CDC42: variants seen among roughly 807,000 people sequenced by gnomAD.
CDC42 encodes the protein cell division control protein 42 homolog.
A neutral mutation model predicts 20.8 loss-of-function variants in CDC42; 1 was observed. The ratio of observed to expected loss-of-function variants is 0.05; its 90% confidence interval spans 0.02 to 0.23. The LOEUF (loss-of-function observed/expected upper bound fraction) is 0.23, where lower values mean the gene tolerates loss of function less well. Ranked by LOEUF, CDC42 falls within the 10% of genes least tolerant of loss-of-function variation. The pLI is 1.00. For synonymous variants in CDC42, 72 were observed against 84.8 expected (o/e 0.85, Z 0.83); for missense variants, 49 against 227.9 (o/e 0.21, Z 5.05).
intron 1 of CDC42, among the ~76,000 whole-genome samples, chr1:22,075,040 T>A (rs1052894890): frequency 1.3e-5 from 2 of 152,166 alleles, no homozygotes; most frequent in African/African-American, 4.8e-5. Context: ...AATTGAAGAT[T>A]GAAAGTGGCC....
chr1:22,090,759 T>C, intron 5 of CDC42: 1 of 984,964 alleles, frequency 1.0e-6, no homozygotes, highest in Non-Finnish European at 1.2e-6. Flanking sequence ...TATACAATTG[T>C]GGTTACCTTC....
intron 1 of CDC42, among the ~76,000 whole-genome samples, chr1:22,055,784 C>T (rs1645298681): frequency 6.6e-6 from 1 of 151,636 alleles, no homozygotes; most frequent in South Asian, 2.1e-4. Context: ...TGCTGTGCCG[C>T]TGACAGGCTT....
chr1:22,081,937 C>T (rs927333512), intron 3 of CDC42, 143 bp downstream of exon 3: 28 of 619,380 alleles, frequency 4.5e-5, no homozygotes, highest in Non-Finnish European at 6.8e-5. Context: ...TAATGATTGT[C>T]GATGCTTGAC....
At chr1:22,085,231 A>T (rs1401378878) in intron 3 of CDC42, among the ~76,000 whole-genome samples, 1 of 80,100 alleles carries the variant, frequency 1.2e-5, no homozygotes. Flanking sequence ...GACTCTGTCT[A>T]AAAAAAAAAA....
intron 4 of CDC42, 27 bp downstream of exon 4, chr1:22,086,575 A>G (rs1444442577): frequency 9.5e-6 from 15 of 1,586,202 alleles, no homozygotes; most frequent in Admixed American, 1.7e-5. Context: ...CTCTTGCCCT[A>G]AGAAGATCAT....
chr1:22,064,462 T>G (rs1275936196), intron 1 of CDC42, among the ~76,000 whole-genome samples: 1 of 151,904 alleles, frequency 6.6e-6, no homozygotes, highest in Non-Finnish European at 1.5e-5. Flanking sequence ...CTGCTAATTT[T>G]TGTATTTTTA....
chr1:22,072,457 G>A (rs1645503200), intron 1 of CDC42, among the ~76,000 whole-genome samples: 1 of 152,102 alleles, frequency 6.6e-6, no homozygotes, highest in Non-Finnish European at 1.5e-5. Flanking sequence ...CCAAATGGAA[G>A]AGATACATAG....
chr1:22,054,656 CTTAAAAGGAGTGTAGGTTCA>C, intron 1 of CDC42, among the ~76,000 whole-genome samples: 1 of 151,774 alleles, frequency 6.6e-6, no homozygotes, highest in Non-Finnish European at 1.5e-5. Context: ...TTGGTAAACA[CTTAAAAGGAGTGTAGGTTCA>C]AGGCAGCTTT....
intron 1 of CDC42, among the ~76,000 whole-genome samples, chr1:22,072,939 A>G (rs187563498): frequency 4.1e-4 from 63 of 152,320 alleles, no homozygotes; most frequent in African/African-American, 1.5e-3. Flanking sequence ...TTGAGAATAT[A>G]AATTTTTTGT....
intron 5 of CDC42, chr1:22,090,013 G>A: frequency 6.2e-7 from 1 of 1,613,972 alleles, no homozygotes; most frequent in Non-Finnish European, 8.5e-7. Context: ...CAACCCAAAA[G>A]GAAGTGCTGT....
At chr1:22,054,925 T>A (rs867239553) in intron 1 of CDC42, among the ~76,000 whole-genome samples, 2,126 of 11,598 alleles carry the variant, frequency 0.18, 71 homozygotes, top group East Asian at 0.26. Flanking sequence ...ATATATATTT[T>A]TTTTTTTTTT....
rs573044218 is a variant in CDC42, at chr1:22,072,693, C to G, written c.-50-5736C>G. Among the ~76,000 whole-genome samples the G allele has an allele frequency of 2.0e-5, 3 of 152,100 alleles. No individual in the cohort carries two copies. The East Asian group carries it at 5.8e-4, about 29-fold the overall frequency. On this transcript the variant is annotated intron_variant, in intron 1 of 5. Coordinates refer to ENST00000656825, the MANE Select transcript of CDC42 (RefSeq NM_001791.4). ...CCCCATCCTGAGGCTTCCTAGCATC[C>G]CTTCCACCGCCACCCTGTCACTTTA...
At chr1:22,085,244 A>AAAAAAT (rs373016657) in intron 3 of CDC42, among the ~76,000 whole-genome samples, 1 of 135,940 alleles carries the variant, frequency 7.4e-6, no homozygotes, top group Non-Finnish European at 1.6e-5. Context: ...AAAAAAAAAA[A>AAAAAAT]AAAAGAAAAA....
Position 22,100,405 on chromosome 1 carries a change from C to T in CDC42, c.*8888C>T, listed in dbSNP as rs146560280. Among the ~76,000 whole-genome samples, 24 of 152,212 alleles carry T rather than the reference C, an allele frequency of 1.6e-4. No homozygotes were observed. The East Asian group carries it at 4.6e-3, about 29-fold the overall frequency. On this transcript the variant is annotated 3_prime_UTR_variant, in exon 6 of 6. Transcript: ENST00000656825. Reference sequence around the variant, plus strand: ...ACAACTTGGCATTGTTGGTGTTGTGCGAAGTACATGCATAGGCTTTGGATT... The same window carrying T: ...ACAACTTGGCATTGTTGGTGTTGTGTGAAGTACATGCATAGGCTTTGGATT...
intron 1 of CDC42, among the ~76,000 whole-genome samples, chr1:22,060,895 G>T (rs1342408400): frequency 2.0e-5 from 3 of 152,196 alleles, no homozygotes; most frequent in Non-Finnish European, 4.4e-5. Flanking sequence ...TAACTTGAAA[G>T]GATAGTTCTA....
intron 2 of CDC42, among the ~76,000 whole-genome samples, chr1:22,079,563 G>A (rs1645587585): frequency 6.6e-6 from 1 of 152,124 alleles, no homozygotes. Flanking sequence ...GTGAGACCCT[G>A]TCTCAAAAAT....
chr1:22,090,270 CAG>C (rs1645702809), intron 5 of CDC42: 1 of 1,195,678 alleles, frequency 8.4e-7, no homozygotes, highest in African/African-American at 1.5e-5. Flanking sequence ...GCCTGATGCT[CAG>C]AGCTTTTTGG....
intron 5 of CDC42, among the ~76,000 whole-genome samples, chr1:22,088,468 C>T (rs968787575): frequency 6.6e-6 from 1 of 152,056 alleles, no homozygotes; most frequent in Non-Finnish European, 1.5e-5. Context: ...TTTTTCTTAC[C>T]AGAGTTTGAA....
At chr1:22,080,003 C>T (rs966547917) in intron 2 of CDC42, among the ~76,000 whole-genome samples, 13 of 151,980 alleles carry the variant, frequency 8.6e-5, no homozygotes, top group African/African-American at 1.5e-4. Context: ...TCTCATGGTA[C>T]CTGTTGAAGT....
Sources: gnomAD v4.1 joint callset for allele counts (sites outside exome capture counted in the v4.1 genomes callset) on GRCh38, gnomAD v4.1.1 for gene constraint, MANE v1.5 for transcripts, NCBI Gene and HGNC (gene_info 2026-07-23, HGNC 2026-07-21) for gene names.